TTLL5: variants seen among roughly 807,000 people sequenced by gnomAD.
TTLL5 encodes the protein tubulin polyglutamylase TTLL5.
A neutral mutation model predicts 168.4 loss-of-function variants in TTLL5; 132 were observed. The observed-to-expected ratio is 0.78, with a 90% CI of 0.68 to 0.91. The LOEUF is 0.91. TTLL5 is among the 40% of genes least tolerant of loss of function. The pLI, the probability that TTLL5 is intolerant of heterozygous loss-of-function variation, is 0.00. For missense variants in TTLL5, 1,545 were observed against 1,581.5 expected (o/e 0.98, Z 0.39); for synonymous variants, 546 against 558.6 (o/e 0.98, Z 0.32).
intron 31 of TTLL5, among the ~76,000 whole-genome samples, chr14:75,925,995 C>T (rs534707081): frequency 1.5e-4 from 22 of 151,424 alleles, no homozygotes; most frequent in East Asian, 1.2e-3. Context: ...GCCGAGATGG[C>T]GGCAGTATAG....
intron 21 of TTLL5, among the ~76,000 whole-genome samples, chr14:75,773,953 G>A (rs71427002): frequency 4.8e-4 from 18 of 37,650 alleles, no homozygotes; most frequent in African/African-American, 1.3e-3. Flanking sequence ...GAGAGAGAGA[G>A]AGAAAGAGAG....
intron 12 of TTLL5, among the ~76,000 whole-genome samples, chr14:75,726,861 T>A (rs1888217702): frequency 6.6e-6 from 1 of 152,302 alleles, no homozygotes; most frequent in South Asian, 2.1e-4. Flanking sequence ...AGGATTATTA[T>A]TATTTTTCTT....
intron 7 of TTLL5, among the ~76,000 whole-genome samples, chr14:75,703,023 CCT>C (rs1886394141): frequency 1.3e-5 from 2 of 152,302 alleles, no homozygotes; most frequent in African/African-American, 4.8e-5. Flanking sequence ...ATAACCATCC[CCT>C]CTTTTCCATG....
intron 26 of TTLL5, among the ~76,000 whole-genome samples, chr14:75,792,294 G>C (rs1399250242): frequency 6.6e-6 from 1 of 151,304 alleles, no homozygotes; most frequent in Admixed American, 6.6e-5. Context: ...AATGGGTGCA[G>C]CACACCAACA....
intron 30 of TTLL5, among the ~76,000 whole-genome samples, chr14:75,890,941 G>A (rs1161405180): frequency 6.6e-6 from 1 of 152,114 alleles, no homozygotes; most frequent in Non-Finnish European, 1.5e-5. Context: ...GGGTGGTCTT[G>A]ATCTCCTGAC....
intron 31 of TTLL5, among the ~76,000 whole-genome samples, chr14:75,914,033 A>AAAAAAAAAAATATATATAT: frequency 9.8e-5 from 7 of 71,096 alleles, no homozygotes; most frequent in East Asian, 4.4e-4. Flanking sequence ...AAAAAAAAAA[A>AAAAAAAAAAATATATATAT]ATATATATAT....
At chr14:75,928,265 A>G (rs929251117) in intron 31 of TTLL5, among the ~76,000 whole-genome samples, 1 of 149,664 alleles carries the variant, frequency 6.7e-6, no homozygotes, top group Non-Finnish European at 1.5e-5. Context: ...TTTGGCTCAA[A>G]CAGAAGAGTT....
At chr14:75,687,427 C>T (rs535725096) in intron 5 of TTLL5, among the ~76,000 whole-genome samples, 12 of 152,170 alleles carry the variant, frequency 7.9e-5, no homozygotes, top group East Asian at 7.7e-4. Flanking sequence ...GCATGCACTA[C>T]GGCTGGCTGA....
At chr14:75,829,592 G>A (rs1457941644) in intron 28 of TTLL5, among the ~76,000 whole-genome samples, 7 of 149,638 alleles carry the variant, frequency 4.7e-5, no homozygotes, top group East Asian at 1.9e-4. Flanking sequence ...CACAGAAAGC[G>A]AGTGATTTTA....
At chr14:75,688,256 A>G (rs1204890832) in intron 5 of TTLL5, among the ~76,000 whole-genome samples, 1 of 152,164 alleles carries the variant, frequency 6.6e-6, no homozygotes, top group African/African-American at 2.4e-5. Context: ...TGAAAGTTAA[A>G]TTAGTCACCA....
intron 31 of TTLL5, among the ~76,000 whole-genome samples, chr14:75,923,627 C>T (rs937049836): frequency 1.3e-5 from 2 of 152,042 alleles, no homozygotes; most frequent in Non-Finnish European, 2.9e-5. Context: ...GCTTTACTTC[C>T]AATTATGTGG....
At chr14:75,857,238 G>C (rs1003099281) in intron 28 of TTLL5, among the ~76,000 whole-genome samples, 1 of 152,028 alleles carries the variant, frequency 6.6e-6, no homozygotes. Flanking sequence ...CATGTCTAAC[G>C]GTATTAATAT....
chr14:75,830,745 A>C (rs949563239), intron 28 of TTLL5, among the ~76,000 whole-genome samples: 5 of 152,140 alleles, frequency 3.3e-5, no homozygotes, highest in African/African-American at 7.2e-5. Context: ...CTTATTCATT[A>C]TTGTATCCCA....
chr14:75,890,138 AAAG>A (rs1409179072), intron 30 of TTLL5, among the ~76,000 whole-genome samples: 8 of 152,196 alleles, frequency 5.3e-5, no homozygotes, highest in African/African-American at 1.9e-4. Context: ...GCTCAGCAAA[AAAG>A]AGTGCTTTGA....
intron 9 of TTLL5, chr14:75,710,527 C>T (rs1887001355): frequency 6.6e-6 from 1 of 152,158 alleles, no homozygotes; most frequent in Admixed American, 6.5e-5. Context: ...ATTTTCAGGG[C>T]TTTGGTTAGG....
chr14:75,856,983 A>G (rs1897162674), intron 28 of TTLL5, among the ~76,000 whole-genome samples: 1 of 152,220 alleles, frequency 6.6e-6, no homozygotes, highest in Admixed American at 6.5e-5. Context: ...ATATAAAAAT[A>G]TGATTTCATT....
At position 75,792,925 on chromosome 14, in the gene TTLL5, A is replaced by G. The variant is rs761519988; in HGVS notation, c.2996A>G (p.Tyr999Cys). ...RPSSAKAGSC[Y>C]LNKHHSGIAK... ...TTCTCCGTTTTAGCAGGATCGTGCT[A>G]TCTAAACAAGCATCATTCAGGAATA... The change falls in exon 27 of 32, where the codon TAT becomes TGT. Residue 999 changes from tyrosine (Y) to cysteine (C), a missense_variant. Tyr to Cys is a radical substitution (Grantham distance 194). Coordinates refer to ENST00000298832, the MANE Select transcript of TTLL5 (RefSeq NM_015072.5). The G allele has an allele frequency of 1.9e-6, 3 of 1,606,124 alleles. No individual in the cohort carries two copies. The highest frequency in any genetic ancestry group is 1.1e-5 in the South Asian group (1 of 89,598).
intron 28 of TTLL5, among the ~76,000 whole-genome samples, chr14:75,851,032 G>C (rs1896820627): frequency 6.7e-6 from 1 of 149,772 alleles, no homozygotes; most frequent in Non-Finnish European, 1.5e-5. Context: ...GGGACTTAGA[G>C]GTTGCAGTGA....
intron 28 of TTLL5, among the ~76,000 whole-genome samples, chr14:75,821,399 C>T (rs175884): frequency 0.033 from 5,016 of 152,246 alleles, 85 homozygotes; most frequent in Middle Eastern, 0.088. Context: ...TCTGTTTATA[C>T]CATAGAGCTT....
Sources: gnomAD v4.1 joint callset for allele counts (sites outside exome capture counted in the v4.1 genomes callset) on GRCh38, gnomAD v4.1.1 for gene constraint, MANE v1.5 for transcripts, NCBI Gene and HGNC (gene_info 2026-07-23, HGNC 2026-07-21) for gene names.